Variants in CFAP161 observed in about 807,000 individuals in gnomAD.
CFAP161 encodes the protein cilia- and flagella-associated protein 161.
CFAP161 carries 25 observed loss-of-function variants against 29.0 expected under a neutral mutation model. The observed-to-expected ratio is 0.86, with a 90% CI of 0.63 to 1.20. CFAP161 has a LOEUF of 1.20. Among genes scored for constraint, CFAP161 ranks in the 50% most tolerant of loss-of-function variants. The probability of loss-of-function intolerance (pLI) is 0.00; values close to 1 mark genes in which losing one functional copy is unlikely to be tolerated. For missense variants in CFAP161, 367 were observed against 371.9 expected, an observed-to-expected ratio of 0.99 and a Z score of 0.11; for synonymous variants, 116 against 137.4, an observed-to-expected ratio of 0.84 and a Z score of 1.09.
At chr15:81,100,912 T>C (rs879142151) in intron 1 of CFAP161, among the ~76,000 whole-genome samples, 1 of 152,200 alleles carries the variant, frequency 6.6e-6, no homozygotes. Context: ...TCCTCTCATT[T>C]TCCTCCAGGT....
upstream of CFAP161, among the ~76,000 whole-genome samples, chr15:81,133,850 A>G (rs1894757677): frequency 6.6e-6 from 1 of 152,144 alleles, no homozygotes; most frequent in Non-Finnish European, 1.5e-5. Flanking sequence ...TTTGGTTTCC[A>G]AATGTGTACA....
At chr15:81,117,053 G>A (rs2141866311) in intron 1 of CFAP161, among the ~76,000 whole-genome samples, 1 of 152,162 alleles carries the variant, frequency 6.6e-6, no homozygotes, top group South Asian at 2.1e-4. Context: ...TTTACATACA[G>A]TTTTAAGGTT....
chr15:81,144,845 C>G (rs770549163), intron 5 of CFAP161, among the ~76,000 whole-genome samples: 3 of 151,584 alleles, frequency 2.0e-5, no homozygotes, highest in Non-Finnish European at 2.9e-5. Flanking sequence ...AAGGAGACAG[C>G]AGGGTAGCCA....
At chr15:81,127,037 CA>C (rs1471324542) in intron 1 of CFAP161, among the ~76,000 whole-genome samples, 1 of 152,180 alleles carries the variant, frequency 6.6e-6, no homozygotes, top group African/African-American at 2.4e-5. Context: ...ATTTGCCTAT[CA>C]GTTTGAAAAT....
chr15:81,130,453 C>A (rs1595914877), upstream of CFAP161, among the ~76,000 whole-genome samples: 1 of 152,324 alleles, frequency 6.6e-6, no homozygotes, highest in African/African-American at 2.4e-5. Flanking sequence ...GTAATCCCAG[C>A]ACTTTGGGAG....
At chr15:81,106,952 G>C (rs1894380447) in intron 1 of CFAP161, among the ~76,000 whole-genome samples, 1 of 152,138 alleles carries the variant, frequency 6.6e-6, no homozygotes, top group Admixed American at 6.5e-5. Context: ...TATAGTACTA[G>C]CTTCTCAGGA....
At chr15:81,123,039 G>A (rs1429156588) in intron 1 of CFAP161, among the ~76,000 whole-genome samples, 1 of 152,036 alleles carries the variant, frequency 6.6e-6, no homozygotes, top group Non-Finnish European at 1.5e-5. Context: ...GCTTTTTAGT[G>A]TAATTAGATC....
chr15:81,146,545 A>G (rs1239199840), intron 5 of CFAP161, among the ~76,000 whole-genome samples: 1 of 151,952 alleles, frequency 6.6e-6, no homozygotes, highest in Non-Finnish European at 1.5e-5. Context: ...GATATCTACA[A>G]TAATGTATTT....
chr15:81,139,321 A>G (rs549000313), intron 4 of CFAP161, among the ~76,000 whole-genome samples: 2 of 152,214 alleles, frequency 1.3e-5, no homozygotes, highest in Non-Finnish European at 2.9e-5. Flanking sequence ...AAAATAAAAA[A>G]TAAAAAGAAG....
chr15:81,104,154 G>A (rs1213122955), intron 1 of CFAP161, among the ~76,000 whole-genome samples: 1 of 152,190 alleles, frequency 6.6e-6, no homozygotes, highest in Non-Finnish European at 1.5e-5. Flanking sequence ...GAAAAAGAAT[G>A]GGCAGCCTTC....
At chr15:81,133,420 A>G (rs1258911549), upstream of CFAP161, among the ~76,000 whole-genome samples, 2 of 151,726 alleles carry the variant, frequency 1.3e-5, no homozygotes, top group African/African-American at 2.4e-5. Context: ...TTCATGAACT[A>G]TCTTTTCTTT....
intron 1 of CFAP161, among the ~76,000 whole-genome samples, chr15:81,116,465 T>C (rs1894500181): frequency 6.6e-6 from 1 of 152,150 alleles, no homozygotes. Flanking sequence ...AGCTAATTTT[T>C]TTTGTATTTT....
rs187630400 is a variant in CFAP161 at position 81,113,259 on chromosome 15, C to G, written c.-141-14331C>G. ...CTAATGAGTAACACCAGAGACTGCACAGTGTCCAGGAAATAGACTTCAGCA... is the reference window on the plus strand; with the variant it reads ...CTAATGAGTAACACCAGAGACTGCAGAGTGTCCAGGAAATAGACTTCAGCA... On this transcript the variant is annotated intron_variant, in intron 1 of 4. Coordinates refer to the CFAP161 transcript ENST00000560091. Among the ~76,000 whole-genome samples the G allele has an allele frequency of 2.6e-3, 403 of 152,308 alleles. 4 individuals are homozygous for G. Among genetic ancestry groups the G allele is most frequent in the Non-Finnish European group, 3.8e-3 (259 of 68,032 alleles).
At chr15:81,106,784 G>A (rs1452936781) in intron 1 of CFAP161, among the ~76,000 whole-genome samples, 2 of 152,236 alleles carry the variant, frequency 1.3e-5, no homozygotes, top group Non-Finnish European at 2.9e-5. Context: ...ACAGCCCAGT[G>A]TGGCTGTGTG....
rs1595919433 is a variant in CFAP161, at chr15:81,141,778, G to A, written c.478-1884G>A. ...CGGCTCACTGCAGCCTCTGCCTCCC[G>A]GGTTCAAGCGATTCTCATGCCTCAG... is the stretch of plus-strand genomic sequence containing the variant. On this transcript the variant is annotated intron_variant, in intron 4 of 6. Transcript: ENST00000286732. 3.3e-5 allele frequency among the ~76,000 whole-genome samples: 5 copies of A among 151,226 alleles called. No homozygotes were observed. The South Asian group carries it at 8.4e-4, about 25-fold the overall frequency.
At chr15:81,140,101 C>A (rs1295292913) in intron 4 of CFAP161, among the ~76,000 whole-genome samples, 1 of 151,498 alleles carries the variant, frequency 6.6e-6, no homozygotes, top group African/African-American at 2.4e-5. Flanking sequence ...CCGTTTTTTG[C>A]CTTTGTGTTG....
chr15:81,134,494 C>A, intron 1 of CFAP161, 96 bp downstream of exon 1: 1 of 1,243,940 alleles, frequency 8.0e-7, no homozygotes, highest in Non-Finnish European at 1.1e-6. Context: ...CAAGCCTCCT[C>A]TCTCTCCCAG....
At position 81,148,004 on chromosome 15, in the gene CFAP161, A is replaced by G. The variant is rs1414270360; in HGVS notation, c.710+73A>G. 1.2e-5 allele frequency: 15 copies of G among 1,233,670 alleles called. No homozygotes were observed. In the Admixed American group the frequency reaches 2.0e-4, roughly 17 times the overall value. The allele number at this position is 1,233,670 out of a possible 1,614,324, so 76.4% of individuals were successfully genotyped here. On this transcript the variant is annotated intron_variant, in intron 6 of 6. Transcript: ENST00000286732. The stretch of plus-strand genomic sequence containing the variant: ...CCATGAATATAAGCAAAGAAGCTCA[A>G]TTGATAGTGTATGGCTGCACATACA...
At chr15:81,133,219 A>G (rs1422303753), upstream of CFAP161, among the ~76,000 whole-genome samples, 367 of 29,270 alleles carry the variant, frequency 0.013, 22 homozygotes, top group African/African-American at 0.039. Context: ...ATATATATAT[A>G]TATATGTATT....
Sources: gnomAD v4.1 joint callset for allele counts (sites outside exome capture counted in the v4.1 genomes callset) on GRCh38, gnomAD v4.1.1 for gene constraint, MANE v1.5 for transcripts, NCBI Gene and HGNC (gene_info 2026-07-23, HGNC 2026-07-21) for gene names.